NCKAP5: variants seen among roughly 807,000 people sequenced by gnomAD.
NCKAP5 encodes the protein nck-associated protein 5.
In NCKAP5, 92 loss-of-function variants were observed where a neutral mutation model predicts 167.0. That is an observed-to-expected ratio of 0.55 (90% CI 0.47 to 0.66). The LOEUF is 0.66. NCKAP5 is among the 30% of genes least tolerant of loss of function. NCKAP5 has a pLI of 0.00. For missense variants in NCKAP5, 2,378 were observed against 2,315.0 expected, an observed-to-expected ratio of 1.03 and a Z score of -0.56; for synonymous variants, 891 against 877.4, an observed-to-expected ratio of 1.02 and a Z score of -0.27.
In NCKAP5 at chr2:132,784,811, A is replaced by G. The variant is rs1299865111; in HGVS notation, c.2000T>C (p.Val667Ala). ...GTCTTCCGCATCAAATATCACAGTC[A>G]CACATTCTTCTGAAGAAGTCCTTTT... The part of the protein sequence containing the change: ...VVKRTSSEEC[V>A]TVIFDAEDGE... Residue 667 changes from valine to alanine, a missense_variant, in exon 14 of 20, where the codon GTG becomes GCG. Coordinates refer to ENST00000409261, the MANE Select transcript of NCKAP5 (RefSeq NM_207363.3). 2 of 1,594,180 alleles carry G rather than the reference A, an allele frequency of 1.3e-6. No homozygotes were observed. The highest frequency in any genetic ancestry group is 3.5e-5 in the Admixed American group (2 of 57,742).
At chr2:133,082,816 G>A (rs2080856728) in intron 6 of NCKAP5, among the ~76,000 whole-genome samples, 1 of 152,162 alleles carries the variant, frequency 6.6e-6, no homozygotes, top group Non-Finnish European at 1.5e-5. Context: ...AAAAATGCAT[G>A]ATATGTGATG....
At chr2:133,464,252 A>C (rs191533723) in intron 3 of NCKAP5, among the ~76,000 whole-genome samples, 12 of 152,330 alleles carry the variant, frequency 7.9e-5, no homozygotes, top group Admixed American at 2.0e-4. Context: ...TTATTAAATC[A>C]AGAACTTTTA....
chr2:133,458,807 C>A lies in NCKAP5; in HGVS notation c.69+58651G>T, dbSNP rs1692016098. 3.3e-5 allele frequency among the ~76,000 whole-genome samples: 5 copies of A among 152,148 alleles called. No individual in the cohort carries two copies. The South Asian group carries it at 1.0e-3, about 32-fold the overall frequency. ...CGGGGTTTAGGAACACAGGCACAAG[C>A]CACAGTCTGTTTAAATTGTTAAGTT... is the stretch of plus-strand genomic sequence containing the variant. On this transcript the variant is annotated intron_variant, in intron 3 of 19. Transcript: ENST00000409261.
At chr2:132,985,512 T>C (rs566469442) in intron 7 of NCKAP5, among the ~76,000 whole-genome samples, 1 of 152,160 alleles carries the variant, frequency 6.6e-6, no homozygotes, top group Non-Finnish European at 1.5e-5. Flanking sequence ...AATAAAAAAA[T>C]TCACCTTATA....
At chr2:132,830,110 C>G (rs183473820) in intron 11 of NCKAP5, among the ~76,000 whole-genome samples, 3 of 152,286 alleles carry the variant, frequency 2.0e-5, no homozygotes, top group Admixed American at 2.0e-4. Context: ...AGCAGAGGAA[C>G]ATTTCTAAAG....
intron 9 of NCKAP5, among the ~76,000 whole-genome samples, chr2:132,873,225 T>C (rs1220044282): frequency 6.6e-6 from 1 of 152,150 alleles, no homozygotes; most frequent in Non-Finnish European, 1.5e-5. Flanking sequence ...TGCCTCAGCC[T>C]CTGGAGTAGC....
intron 3 of NCKAP5, among the ~76,000 whole-genome samples, chr2:133,350,805 T>C (rs567409848): frequency 9.9e-5 from 15 of 152,208 alleles, no homozygotes; most frequent in South Asian, 8.3e-4. Flanking sequence ...GGGAGGAGGA[T>C]GCATAAAAGC....
intron 3 of NCKAP5, among the ~76,000 whole-genome samples, chr2:133,473,065 G>A (rs1282566263): frequency 6.6e-6 from 1 of 152,184 alleles, no homozygotes; most frequent in African/African-American, 2.4e-5. Context: ...CGGGCGCGAT[G>A]GCTCACACCT....
intron 3 of NCKAP5, among the ~76,000 whole-genome samples, chr2:133,360,835 C>T (rs768360987): frequency 2.7e-4 from 41 of 151,538 alleles, no homozygotes; most frequent in Non-Finnish European, 5.9e-4. Context: ...TAATACCTGC[C>T]TTAAAAGGCT....
At chr2:133,526,118 G>T (rs1209888081) in intron 2 of NCKAP5, among the ~76,000 whole-genome samples, 1 of 149,962 alleles carries the variant, frequency 6.7e-6, no homozygotes, top group African/African-American at 2.5e-5. Context: ...AGGCCCTGAA[G>T]ATTGAAAGAA....
intron 4 of NCKAP5, among the ~76,000 whole-genome samples, chr2:133,262,818 G>A (rs79123696): frequency 1.3e-5 from 2 of 152,150 alleles, no homozygotes; most frequent in Non-Finnish European, 1.5e-5. Flanking sequence ...AAGCAGGAAG[G>A]CTTGTTCTCC....
In NCKAP5 at chr2:133,078,343, T is replaced by A. The variant is rs376292913; in HGVS notation, c.341+51635A>T. On this transcript the variant is annotated intron_variant, in intron 6 of 19. Transcript: ENST00000409261. ...TGCAAGAAGGCTGAGGGGAAACCAG[T>A]GTCTCAGTGCATCTGTAAACTCACC... Among the ~76,000 whole-genome samples the A allele has an allele frequency of 1.1e-4, 16 of 152,240 alleles. No homozygotes were observed. The East Asian group carries it at 1.7e-3, about 17-fold the overall frequency.
rs1454254156 is a variant in NCKAP5, at chr2:133,020,167, C to T, written c.342-25928G>A. ...CTGTAGACATTGGAGCCACCAAAGA[C>T]GACATCATGGGAATCCATCTTTGTT... On this transcript the variant is annotated intron_variant, in intron 6 of 19. Transcript: ENST00000409261. 1.6e-4 allele frequency among the ~76,000 whole-genome samples: 24 copies of T among 152,326 alleles called. No homozygotes were observed. The South Asian group carries it at 2.5e-3, about 16-fold the overall frequency.
chr2:133,402,588 A>G (rs34368924), intron 3 of NCKAP5, among the ~76,000 whole-genome samples: 35,402 of 151,988 alleles, frequency 0.23, 4,147 homozygotes, highest in East Asian at 0.28. Context: ...TGGATCCCTC[A>G]TCAATGGCTT....
At chr2:132,723,171 A>G (rs1279487272) in intron 19 of NCKAP5, among the ~76,000 whole-genome samples, 4 of 113,464 alleles carry the variant, frequency 3.5e-5, no homozygotes, top group Non-Finnish European at 5.1e-5. Flanking sequence ...TTTGAGACAG[A>G]GTCTTGCTCT....
intron 19 of NCKAP5, among the ~76,000 whole-genome samples, chr2:132,692,034 T>A (rs1287480342): frequency 3.9e-5 from 6 of 152,172 alleles, no homozygotes; most frequent in Non-Finnish European, 1.5e-5. Flanking sequence ...AAATGTCCCT[T>A]CTTCAGAAAG....
chr2:133,161,161 T>C (rs2083780279), intron 5 of NCKAP5, among the ~76,000 whole-genome samples: 2 of 152,172 alleles, frequency 1.3e-5, no homozygotes, highest in African/African-American at 4.8e-5. Context: ...TTCCTGATGA[T>C]CTGAGGTGAA....
Position 132,781,146 on chromosome 2 carries a change from C to G in NCKAP5, c.4955G>C (p.Gly1652Ala), listed in dbSNP as rs781607997. 4 of 1,613,802 alleles carry G rather than the reference C, an allele frequency of 2.5e-6. No individual in the cohort carries two copies. The highest frequency in any genetic ancestry group is 2.5e-6 in the Non-Finnish European group (3 of 1,179,840). The stretch of plus-strand genomic sequence containing the variant: ...GATAGAGCTGCCGATGAGACAGGAG[C>G]CCTGAGAACTGCCCTTTAACACATT... ...CRNVLKGSSQGSCLIGSSIST... is the reference protein window; with the variant it reads ...CRNVLKGSSQASCLIGSSIST... The change falls in exon 15 of 20, where the codon GGC becomes GCC. Residue 1652 changes from glycine to alanine, a missense_variant. Gly to Ala is a moderately conservative substitution (Grantham distance 60). This residue lies in a region of NCKAP5 where 1,325 missense variants were observed against 1,274.5 expected (regional missense o/e 1.04). Transcript: ENST00000409261.
At chr2:132,708,249 T>C (rs1176558581) in intron 19 of NCKAP5, among the ~76,000 whole-genome samples, 1 of 152,046 alleles carries the variant, frequency 6.6e-6, no homozygotes, top group Non-Finnish European at 1.5e-5. Context: ...GAGCACCAAA[T>C]GGGCTTTTAG....
Sources: gnomAD v4.1 joint callset for allele counts (sites outside exome capture counted in the v4.1 genomes callset) on GRCh38, gnomAD v4.1.1 for gene constraint, gnomAD v4.1.1 regional missense constraint, MANE v1.5 for transcripts, NCBI Gene and HGNC (gene_info 2026-07-23, HGNC 2026-07-21) for gene names.